The following MRPL52 variants were observed in gnomAD, a reference collection of about 807,000 sequenced individuals.
MRPL52 encodes large ribosomal subunit protein mL52.
MRPL52 carries 19 observed loss-of-function variants against 22.1 expected under a neutral mutation model. The ratio of observed to expected loss-of-function variants is 0.86; its 90% confidence interval spans 0.60 to 1.26. The LOEUF is 1.26. MRPL52 is among the 50% of genes most tolerant of loss of function. The pLI is 0.00. For missense variants in MRPL52, 152 were observed against 148.1 expected, an observed-to-expected ratio of 1.03 and a Z score of -0.14; for synonymous variants, 50 against 57.5, an observed-to-expected ratio of 0.87 and a Z score of 0.59.
At position 22,830,264 on chromosome 14, in the gene MRPL52, G is replaced by A; in HGVS notation, c.154+10G>A. ...GACTGGTCATATGCGGGTAAGCGCT[G>A]ATCTGGCAGTTAACTCCACTGGGGA... On this transcript the variant is annotated intron_variant, in intron 3 of 4. Transcript: ENST00000397496. 2.5e-6 allele frequency: 4 copies of A among 1,614,222 alleles called. No individual in the cohort carries two copies. Among genetic ancestry groups the A allele is most frequent in the Non-Finnish European group, 3.4e-6 (4 of 1,180,022 alleles).
At chr14:22,833,577 C>G in intron 4 of MRPL52, 95 bp downstream of exon 4, 1 of 853,346 alleles carries the variant, frequency 1.2e-6, no homozygotes, top group Non-Finnish European at 1.9e-6. Flanking sequence ...AAACATGTAC[C>G]CCTCATACAG....
rs2039595130 is a variant in MRPL52 at position 22,830,946 on chromosome 14, C to G, written c.154+692C>G. 5.0e-5 allele frequency: 75 copies of G among 1,492,942 alleles called. No individual in the cohort carries two copies. The South Asian group carries it at 8.7e-4, about 17-fold the overall frequency. 92.5% of individuals were successfully genotyped at this position (1,492,942 alleles called of 1,614,324 possible). ...ACACAGAGATCTGAATATTTAATACCCTATTGTTGCTCTCTAGGGGTATGA... is the reference window on the plus strand; with the variant it reads ...ACACAGAGATCTGAATATTTAATACGCTATTGTTGCTCTCTAGGGGTATGA... On this transcript the variant is annotated intron_variant, in intron 3 of 4. Coordinates refer to ENST00000397496, the MANE Select transcript of MRPL52 (RefSeq NM_180982.3).
chr14:22,830,973 C>T (rs1266273296), intron 3 of MRPL52: 1 of 1,531,998 alleles, frequency 6.5e-7, no homozygotes, highest in South Asian at 1.2e-5. Flanking sequence ...GGGGTATGAT[C>T]CTGCTTAATT....
intron 3 of MRPL52, 75 bp downstream of exon 3, chr14:22,830,329 G>A: frequency 6.7e-7 from 1 of 1,497,848 alleles, no homozygotes; most frequent in Non-Finnish European, 9.3e-7. Context: ...CGGGGAGCTG[G>A]GGGTATCAAG....
At position 22,834,913 on chromosome 14, in the gene MRPL52, T is replaced by C. The variant is rs932815624; in HGVS notation, c.*592T>C. ...CTAGCCCAACTATGAGAAATAGCTG[T>C]TCTGTGAACGTGAAAAGGGGACAGC... On this transcript the variant is annotated 3_prime_UTR_variant, in exon 5 of 5. Transcript: ENST00000397496. 1 of 152,256 alleles carries C rather than the reference T, an allele frequency of 6.6e-6. No homozygotes were observed. Among genetic ancestry groups the C allele is most frequent in the African/African-American group, 2.4e-5 (1 of 41,428 alleles). The allele number at this position is 152,256 out of a possible 1,614,324, so 9.4% of individuals were successfully genotyped here. A position where few individuals can be genotyped will look rare whatever the true frequency, so the allele number is the denominator to read the frequency against.
chr14:22,833,016 A>G (rs992361535), intron 3 of MRPL52, among the ~76,000 whole-genome samples: 2 of 151,938 alleles, frequency 1.3e-5, no homozygotes, highest in Non-Finnish European at 2.9e-5. Flanking sequence ...CGTCTCTACT[A>G]AAAATACAAA....
Position 22,834,349 on chromosome 14 carries a change from C to T in MRPL52, c.*28C>T. On this transcript the variant is annotated 3_prime_UTR_variant, in exon 5 of 5. Transcript: ENST00000397496. ...AGCAACTCCTGCCTCCCTTCCTCAC[C>T]CTGTCTCTGGATTTCTTTTCTATCA... is the stretch of plus-strand genomic sequence containing the variant. 1 of 1,592,108 alleles carries T rather than the reference C, an allele frequency of 6.3e-7. No individual in the cohort carries two copies. The highest frequency in any genetic ancestry group is 1.1e-5 in the South Asian group (1 of 87,864).
chr14:22,830,308 A>G, intron 3 of MRPL52, 54 bp downstream of exon 3: 2 of 1,584,734 alleles, frequency 1.3e-6, no homozygotes, highest in Non-Finnish European at 8.7e-7. Context: ...CCTAGAGGGA[A>G]CGCCCCTGGA....
intron 3 of MRPL52, chr14:22,830,794 C>G (rs1427257638): frequency 1.5e-5 from 8 of 539,098 alleles, no homozygotes; most frequent in Non-Finnish European, 2.6e-5. Context: ...AAGCTACTCC[C>G]CATTCTCCTT....
intron 4 of MRPL52, among the ~76,000 whole-genome samples, chr14:22,833,868 G>A (rs531280105): frequency 6.6e-6 from 1 of 152,310 alleles, no homozygotes; most frequent in African/African-American, 2.4e-5. Flanking sequence ...TGATCCGCCT[G>A]CCTCAGCCTC....
chr14:22,834,157 T>A lies in MRPL52; in HGVS notation c.220-15T>A, dbSNP rs372072544. On this transcript the variant is annotated splice_polypyrimidine_tract_variant and intron_variant, in intron 4 of 4. Coordinates refer to ENST00000397496, the MANE Select transcript of MRPL52 (RefSeq NM_180982.3). Reference sequence around the variant, plus strand: ...GTCCCAGATGTTATCCACACTGTTTTCCTGTCTGTTTCAGAGACGAGTTGT... The same window carrying A: ...GTCCCAGATGTTATCCACACTGTTTACCTGTCTGTTTCAGAGACGAGTTGT... The A allele has an allele frequency of 1.9e-6, 3 of 1,613,578 alleles. No homozygotes were observed.
chr14:22,831,046 C>G, intron 3 of MRPL52: 2 of 1,461,252 alleles, frequency 1.4e-6, no homozygotes, highest in South Asian at 2.4e-5. Flanking sequence ...CTGTAAGAAG[C>G]CTGGCATCTC....
intron 3 of MRPL52, chr14:22,831,068 A>G (rs2039600273): frequency 6.7e-6 from 5 of 743,604 alleles, no homozygotes; most frequent in Non-Finnish European, 1.0e-5. Flanking sequence ...TTGTAGTAGT[A>G]TGGACTATTG....
chr14:22,831,105 G>GTTTTTTTTTTTTT, intron 3 of MRPL52: 1 of 101,210 alleles, frequency 9.9e-6, no homozygotes, highest in Non-Finnish European at 1.7e-5. Flanking sequence ...ACATATGACT[G>GTTTTTTTTTTTTT]CTTTTTTTTT....
chr14:22,834,389 C>G lies in MRPL52; in HGVS notation c.*68C>G. 2.0e-6 allele frequency: 3 copies of G among 1,505,522 alleles called. No individual in the cohort carries two copies. The Admixed American group carries it at 6.7e-5, about 34-fold the overall frequency. The allele number at this position is 1,505,522 out of a possible 1,614,324, so 93.3% of individuals were successfully genotyped here. A position where few individuals can be genotyped will look rare whatever the true frequency, so the allele number is the denominator to read the frequency against. ...CTTTTCTATCACCTAGATGCTTCAT[C>G]CAGCCAGAAGATAGCCTTCACGTTC... is the stretch of plus-strand genomic sequence containing the variant. On this transcript the variant is annotated 3_prime_UTR_variant, in exon 5 of 5. Transcript: ENST00000397496.
In MRPL52 at chr14:22,830,228, C is replaced by T. The variant is rs1421839119; in HGVS notation, c.128C>T (p.Thr43Ile). Residue 43 changes from threonine (T) to isoleucine (I), a missense_variant, in exon 3 of 5, where the codon ACC (threonine) becomes ATC (isoleucine). Transcript: ENST00000397496. Reference protein sequence around the residue: ...AANPSGYGPLTELPDWSYADG... With the variant: ...AANPSGYGPLIELPDWSYADG... ...AACCCCTCCGGCTACGGGCCCCTTA[C>T]CGAGCTCCCAGACTGGTCATATGCG... 1.2e-6 allele frequency: 2 copies of T among 1,614,128 alleles called. No homozygotes were observed. Among genetic ancestry groups the T allele is most frequent in the African/African-American group, 2.7e-5 (2 of 74,954 alleles).
intron 3 of MRPL52, 129 bp downstream of exon 3, chr14:22,830,383 A>C: frequency 1.1e-6 from 1 of 907,986 alleles, no homozygotes; most frequent in East Asian, 2.5e-5. Flanking sequence ...TGGAAAACGG[A>C]ATTTGGGGAA....
chr14:22,834,371 A>G lies in MRPL52; in HGVS notation c.*50A>G, dbSNP rs775562468. ...CACCCTGTCTCTGGATTTCTTTTCT[A>G]TCACCTAGATGCTTCATCCAGCCAG... On this transcript the variant is annotated 3_prime_UTR_variant, in exon 5 of 5. Coordinates refer to ENST00000397496, the MANE Select transcript of MRPL52 (RefSeq NM_180982.3). The G allele has an allele frequency of 1.3e-6, 2 of 1,559,122 alleles. No homozygotes were observed. The highest frequency in any genetic ancestry group is 2.3e-5 in the East Asian group (1 of 43,632).
In MRPL52 at chr14:22,831,313, T is replaced by C. The variant is rs556703370; in HGVS notation, c.154+1059T>C. 36 of 318,002 alleles carry C rather than the reference T, an allele frequency of 1.1e-4. 1 individual carries two copies. The South Asian group carries it at 1.4e-3, about 13-fold the overall frequency. 19.7% of individuals were successfully genotyped at this position (318,002 alleles called of 1,614,324 possible). On this transcript the variant is annotated intron_variant, in intron 3 of 4. Transcript: ENST00000397496. ...TTTAACTTTTAGTAGAGACAGGCTC[T>C]TGCTATGTTGCCCAAGCTGGTCTTG...
Sources: allele counts gnomAD v4.1 joint callset (sites outside exome capture counted in the v4.1 genomes callset), GRCh38; gene constraint gnomAD v4.1.1; transcripts MANE v1.5; gene names NCBI Gene and HGNC (gene_info 2026-07-23, HGNC 2026-07-21).